TMEM132E: variants seen among roughly 807,000 people sequenced by gnomAD.
TMEM132E encodes the protein transmembrane protein 132E.
TMEM132E carries 49 observed loss-of-function variants against 78.5 expected under a neutral mutation model. That is an observed-to-expected ratio of 0.62 (90% confidence interval 0.50 to 0.79). TMEM132E has a LOEUF of 0.79. Among genes scored for constraint, TMEM132E ranks in the 30% least tolerant of loss-of-function variants. The pLI, the probability that TMEM132E is intolerant of heterozygous loss-of-function variation, is 0.00. For missense variants in TMEM132E, 1,403 were observed against 1,470.9 expected, an observed-to-expected ratio of 0.95 and a Z score of 0.75; for synonymous variants, 715 against 670.6, an observed-to-expected ratio of 1.07 and a Z score of -1.02.
rs778784436 is a variant in TMEM132E at position 34,627,079 on chromosome 17, G to A, written c.998+22G>A. 4.4e-6 allele frequency: 6 copies of A among 1,360,558 alleles called. No homozygotes were observed. In the Admixed American group the frequency reaches 9.5e-5, roughly 21 times the overall value. The allele number at this position is 1,360,558 out of a possible 1,614,324, so 84.3% of individuals were successfully genotyped here. ...TCAGGTAGTAGGGAAGATGGGTGGGGATCTGGTTTCCCTTCCAAGATCAAA... is the reference window on the plus strand; with the variant it reads ...TCAGGTAGTAGGGAAGATGGGTGGGAATCTGGTTTCCCTTCCAAGATCAAA... On this transcript the variant is annotated intron_variant, in intron 2 of 8. Transcript: ENST00000631683.
Position 34,580,923 on chromosome 17 carries a change from A to T in TMEM132E, c.-154A>T. ...AGCGCCTGGGACGCCCCCTCCCCGCAAAGTGTCCCCGAATTGCACTCTCTG... is the reference window on the plus strand; with the variant it reads ...AGCGCCTGGGACGCCCCCTCCCCGCTAAGTGTCCCCGAATTGCACTCTCTG... On this transcript the variant is annotated 5_prime_UTR_variant, in exon 1 of 9. Transcript: ENST00000631683. 2.0e-6 allele frequency: 1 copy of T among 502,594 alleles called. No individual in the cohort carries two copies. Among genetic ancestry groups the T allele is most frequent in the Non-Finnish European group, 3.4e-6 (1 of 292,334 alleles). The allele number at this position is 502,594 out of a possible 1,614,324, so 31.1% of individuals were successfully genotyped here. A position where few individuals can be genotyped will look rare whatever the true frequency, so the allele number is the denominator to read the frequency against.
chr17:34,603,755 T>C (rs895898549), intron 1 of TMEM132E, among the ~76,000 whole-genome samples: 2 of 152,222 alleles, frequency 1.3e-5, no homozygotes, highest in Non-Finnish European at 2.9e-5. Context: ...CTGCAGTGCC[T>C]GCCACCCTCA....
rs115425773 is a variant in TMEM132E at position 34,618,996 on chromosome 17, C to A, written c.68-7131C>A. Among the ~76,000 whole-genome samples the A allele has an allele frequency of 2.5e-3, 386 of 152,326 alleles. 3 individuals are homozygous for A. Among genetic ancestry groups the A allele is most frequent in the African/African-American group, 8.8e-3 (364 of 41,584 alleles). On this transcript the variant is annotated intron_variant, in intron 1 of 8. Transcript: ENST00000631683. Reference sequence around the variant, plus strand: ...GGCCTCAGCTTCCTCCACCGCAGGTCTCCTGGGTTGGGGGTGTTTCCCCAG... The same window carrying A: ...GGCCTCAGCTTCCTCCACCGCAGGTATCCTGGGTTGGGGGTGTTTCCCCAG...
chr17:34,624,361 T>C (rs1194763276), intron 1 of TMEM132E, among the ~76,000 whole-genome samples: 1 of 152,154 alleles, frequency 6.6e-6, no homozygotes, highest in African/African-American at 2.4e-5. Context: ...TCAGTGTAGA[T>C]CAGCCATGAT....
At chr17:34,602,061 C>A (rs1906259644) in intron 1 of TMEM132E, among the ~76,000 whole-genome samples, 1 of 152,224 alleles carries the variant, frequency 6.6e-6, no homozygotes, top group African/African-American at 2.4e-5. Flanking sequence ...ACCATGGCCC[C>A]CTGAGGGGTT....
At chr17:34,597,441 C>A (rs1171458381) in intron 1 of TMEM132E, among the ~76,000 whole-genome samples, 1 of 152,186 alleles carries the variant, frequency 6.6e-6, no homozygotes, top group Non-Finnish European at 1.5e-5. Context: ...GGATCTTTTT[C>A]ATTGATTCAG....
In TMEM132E at chr17:34,626,450, G is replaced by A. The variant is rs1239809683; in HGVS notation, c.391G>A (p.Val131Ile). Reference protein sequence around the residue: ...TVNWKVRAFIVRSHVPASQPV... With the variant: ...TVNWKVRAFIIRSHVPASQPV... Reference sequence around the variant, plus strand: ...GAACTGGAAGGTGCGGGCCTTCATCGTCCGCTCGCACGTGCCCGCCTCGCA... The same window carrying A: ...GAACTGGAAGGTGCGGGCCTTCATCATCCGCTCGCACGTGCCCGCCTCGCA... The change falls in exon 2 of 9, where the codon GTC becomes ATC. Residue 131 changes from valine to isoleucine, a missense_variant. Coordinates refer to ENST00000631683, the MANE Select transcript of TMEM132E (RefSeq NM_001304438.2). 3.1e-6 allele frequency: 5 copies of A among 1,613,006 alleles called. No individual in the cohort carries two copies. The African/African-American group carries it at 5.3e-5, about 17-fold the overall frequency.
chr17:34,589,290 G>A (rs1239612025), intron 1 of TMEM132E, among the ~76,000 whole-genome samples: 3 of 152,124 alleles, frequency 2.0e-5, no homozygotes, highest in African/African-American at 7.2e-5. Context: ...GGAGGCCAGC[G>A]GGGCAGAGCA....
chr17:34,608,393 G>A (rs77787575), intron 1 of TMEM132E, among the ~76,000 whole-genome samples: 7,077 of 152,304 alleles, frequency 0.046, 224 homozygotes, highest in Non-Finnish European at 0.069. Flanking sequence ...TGGCTAAGCT[G>A]CAGTGTCCTG....
intron 1 of TMEM132E, among the ~76,000 whole-genome samples, chr17:34,602,829 A>T (rs534507387): frequency 6.6e-6 from 1 of 152,336 alleles, no homozygotes; most frequent in African/African-American, 2.4e-5. Context: ...TGGCTTCCTT[A>T]ACCCATCTGT....
chr17:34,637,693 G>T lies in TMEM132E; in HGVS notation c.2686G>T (p.Gly896Cys). ...DLEIGMYALL[G>C]VFCLAILVFL... ...GGAGATCGGCATGTACGCGCTGCTG[G>T]GCGTCTTCTGCCTCGCCATCCTCGT... Residue 896 changes from glycine to cysteine, a missense_variant, in exon 9 of 9, where the codon GGC becomes TGC. Physicochemically the swap from Gly to Cys is radical, Grantham distance 159. This residue lies in a region of TMEM132E where 888 missense variants were observed against 952.8 expected (regional missense o/e 0.93). Transcript: ENST00000631683. 1.2e-6 allele frequency: 2 copies of T among 1,612,022 alleles called. No homozygotes were observed. Among genetic ancestry groups the T allele is most frequent in the Non-Finnish European group, 1.7e-6 (2 of 1,179,986 alleles).
At chr17:34,605,708 G>A (rs1426019591) in intron 1 of TMEM132E, among the ~76,000 whole-genome samples, 1 of 152,176 alleles carries the variant, frequency 6.6e-6, no homozygotes, top group Non-Finnish European at 1.5e-5. Flanking sequence ...TTGAAACAGT[G>A]AGTGTTTATT....
intron 6 of TMEM132E, among the ~76,000 whole-genome samples, chr17:34,634,215 A>G (rs934499598): frequency 2.6e-5 from 4 of 152,152 alleles, no homozygotes; most frequent in African/African-American, 9.7e-5. Flanking sequence ...CAGGCTGAGA[A>G]TTTCCCAAAT....
intron 1 of TMEM132E, among the ~76,000 whole-genome samples, chr17:34,609,905 A>G (rs772236150): frequency 6.6e-6 from 1 of 152,178 alleles, no homozygotes; most frequent in Non-Finnish European, 1.5e-5. Flanking sequence ...CTGCCGGTCC[A>G]GCCCCATCTC....
chr17:34,605,111 C>A (rs1401924521), intron 1 of TMEM132E, among the ~76,000 whole-genome samples: 1 of 152,152 alleles, frequency 6.6e-6, no homozygotes, highest in Non-Finnish European at 1.5e-5. Flanking sequence ...GAGGGATGTG[C>A]CTGTCCTCCA....
intron 1 of TMEM132E, among the ~76,000 whole-genome samples, chr17:34,603,061 A>G (rs980268118): frequency 1.3e-5 from 2 of 152,138 alleles, no homozygotes; most frequent in African/African-American, 4.8e-5. Context: ...CCTGTCTTAC[A>G]CAGGAAGGGG....
chr17:34,637,011 G>A (rs1907543003), intron 8 of TMEM132E, among the ~76,000 whole-genome samples, 166 bp from the exon 9 acceptor site: 1 of 152,164 alleles, frequency 6.6e-6, no homozygotes, highest in Non-Finnish European at 1.5e-5. Flanking sequence ...CACTTGAACA[G>A]TAGTTCCTGA....
chr17:34,605,247 T>C (rs928356879), intron 1 of TMEM132E, among the ~76,000 whole-genome samples: 3 of 152,160 alleles, frequency 2.0e-5, no homozygotes, highest in Non-Finnish European at 4.4e-5. Context: ...AATCGTGTAA[T>C]AAGTGAGGCT....
intron 1 of TMEM132E, among the ~76,000 whole-genome samples, chr17:34,594,501 G>T (rs76402412): frequency 6.6e-6 from 1 of 152,364 alleles, no homozygotes; most frequent in African/African-American, 2.4e-5. Flanking sequence ...TAGAGTTGCT[G>T]TAATGAATAA....
Sources: gnomAD v4.1 joint callset for allele counts (sites outside exome capture counted in the v4.1 genomes callset) on GRCh38, gnomAD v4.1.1 for gene constraint, gnomAD v4.1.1 regional missense constraint, MANE v1.5 for transcripts, NCBI Gene and HGNC (gene_info 2026-07-23, HGNC 2026-07-21) for gene names.